KCNAB1: variants seen among roughly 807,000 people sequenced by gnomAD.
KCNAB1 encodes the protein potassium voltage-gated channel subfamily A regulatory beta subunit 1.
In KCNAB1, 35 loss-of-function variants were observed where a neutral mutation model predicts 64.6. The observed-to-expected ratio is 0.54, with a 90% CI of 0.41 to 0.72. The LOEUF is 0.72. Among genes scored for constraint, KCNAB1 ranks in the 30% least tolerant of loss-of-function variants. The pLI, the probability that KCNAB1 is intolerant of heterozygous loss-of-function variation, is 0.00. For missense variants in KCNAB1, 401 were observed against 512.9 expected, an observed-to-expected ratio of 0.78 and a Z score of 2.11; for synonymous variants, 177 against 183.8, an observed-to-expected ratio of 0.96 and a Z score of 0.30.
At chr3:156,378,920 C>T (rs1367211181) in intron 1 of KCNAB1, among the ~76,000 whole-genome samples, 1 of 152,196 alleles carries the variant, frequency 6.6e-6, no homozygotes, top group Admixed American at 6.5e-5. Flanking sequence ...CCCCCAGTGC[C>T]TCAAGCTGGC....
intron 1 of KCNAB1, among the ~76,000 whole-genome samples, chr3:156,207,957 T>G (rs1714766935): frequency 6.6e-6 from 1 of 152,240 alleles, no homozygotes; most frequent in Admixed American, 6.5e-5. Flanking sequence ...CAGCTTCTTT[T>G]GGCCTTGGGT....
At chr3:156,494,725 A>G (rs969185655) in intron 8 of KCNAB1, among the ~76,000 whole-genome samples, 9 of 152,180 alleles carry the variant, frequency 5.9e-5, no homozygotes, top group Non-Finnish European at 1.0e-4. Context: ...AAGTGACCTC[A>G]GGAAGCAGAA....
intron 8 of KCNAB1, among the ~76,000 whole-genome samples, chr3:156,511,253 G>A (rs561686179): frequency 3.9e-5 from 6 of 151,926 alleles, no homozygotes; most frequent in East Asian, 1.9e-4. Flanking sequence ...ACAGGCACCC[G>A]CCACCACGCC....
Position 156,196,409 on chromosome 3 carries a change from G to A in KCNAB1, c.275+75523G>A, listed in dbSNP as rs77826174. Among the ~76,000 whole-genome samples the A allele has an allele frequency of 4.2e-4, 64 of 152,092 alleles. No individual in the cohort carries two copies. In the South Asian group the frequency reaches 0.012, roughly 28 times the overall value. Reference sequence around the variant, plus strand: ...ATAAATTACTTTGGGCAGTTTGGCCGTTTTCATGATATTGATTCTTCCTAT... The same window carrying A: ...ATAAATTACTTTGGGCAGTTTGGCCATTTTCATGATATTGATTCTTCCTAT... On this transcript the variant is annotated intron_variant, in intron 1 of 13. Transcript: ENST00000490337.
At chr3:156,207,156 T>A (rs1714717045) in intron 1 of KCNAB1, among the ~76,000 whole-genome samples, 1 of 152,178 alleles carries the variant, frequency 6.6e-6, no homozygotes, top group Admixed American at 6.5e-5. Context: ...ATGGCCTACA[T>A]CAATAAGAGG....
At chr3:156,366,478 T>C (rs979816539) in intron 1 of KCNAB1, among the ~76,000 whole-genome samples, 2 of 152,108 alleles carry the variant, frequency 1.3e-5, no homozygotes, top group Non-Finnish European at 2.9e-5. Flanking sequence ...AATGAGAAAA[T>C]AGAGGACAGA....
chr3:156,401,136 T>C (rs913174656), intron 1 of KCNAB1, among the ~76,000 whole-genome samples: 1 of 152,242 alleles, frequency 6.6e-6, no homozygotes, highest in African/African-American at 2.4e-5. Flanking sequence ...TCAGACCTAG[T>C]CACCACTTCT....
At chr3:156,390,749 AT>A (rs367822446) in intron 1 of KCNAB1, among the ~76,000 whole-genome samples, 1 of 151,124 alleles carries the variant, frequency 6.6e-6, no homozygotes. Context: ...TGCCCGGCTA[AT>A]TTTTTTTTGT....
At chr3:156,532,374 A>G (rs1576985437) in intron 13 of KCNAB1, among the ~76,000 whole-genome samples, 1 of 151,960 alleles carries the variant, frequency 6.6e-6, no homozygotes, top group African/African-American at 2.4e-5. Context: ...CCTACTCTCA[A>G]CCCTGCTAAA....
At chr3:156,213,192 T>C (rs1039990228) in intron 1 of KCNAB1, among the ~76,000 whole-genome samples, 1 of 149,114 alleles carries the variant, frequency 6.7e-6, no homozygotes, top group Non-Finnish European at 1.5e-5. Context: ...TAAAACAATG[T>C]GGAGTCCTAT....
At chr3:156,361,961 ATTAT>A (rs1000383435) in intron 1 of KCNAB1, among the ~76,000 whole-genome samples, 1 of 152,220 alleles carries the variant, frequency 6.6e-6, no homozygotes, top group African/African-American at 2.4e-5. Context: ...CAATGAATGA[ATTAT>A]TTGTCTATAT....
chr3:156,531,907 T>C (rs1718724993), intron 13 of KCNAB1, among the ~76,000 whole-genome samples: 1 of 152,178 alleles, frequency 6.6e-6, no homozygotes, highest in African/African-American at 2.4e-5. Flanking sequence ...CCTGAACATC[T>C]TGTATTCCCC....
intron 1 of KCNAB1, among the ~76,000 whole-genome samples, chr3:156,376,394 A>G (rs1423828335): frequency 1.3e-5 from 2 of 152,200 alleles, no homozygotes; most frequent in Non-Finnish European, 2.9e-5. Flanking sequence ...CAGACAGAAG[A>G]TGCAAGGTCA....
At chr3:156,182,634 C>A (rs553942176) in intron 1 of KCNAB1, among the ~76,000 whole-genome samples, 2 of 151,794 alleles carry the variant, frequency 1.3e-5, no homozygotes, top group East Asian at 1.9e-4. Flanking sequence ...TTTTTTCCCC[C>A]CCCCGGGTCT....
At chr3:156,208,831 T>C (rs553861507) in intron 1 of KCNAB1, among the ~76,000 whole-genome samples, 1 of 152,358 alleles carries the variant, frequency 6.6e-6, no homozygotes, top group East Asian at 1.9e-4. Flanking sequence ...AAAGGTTCTA[T>C]AGTGAAACCT....
chr3:156,476,566 C>CACACACACACATAT (rs1559905006), intron 8 of KCNAB1, among the ~76,000 whole-genome samples: 4 of 79,076 alleles, frequency 5.1e-5, no homozygotes, highest in Non-Finnish European at 1.3e-4. Flanking sequence ...CACACATATA[C>CACACACACACATAT]ACACACACAC....
intron 1 of KCNAB1, among the ~76,000 whole-genome samples, chr3:156,319,620 C>G (rs1407431984): frequency 6.6e-6 from 1 of 152,186 alleles, no homozygotes; most frequent in Non-Finnish European, 1.5e-5. Context: ...ACTTCACCTG[C>G]AGAGCTCAAG....
In KCNAB1 at chr3:156,208,951, A is replaced by G. The variant is rs115294172; in HGVS notation, c.275+88065A>G. ...CAAGAATACATAATAATATAAATGC[A>G]TAACGTAAGAAATGCAAAGACAGGT... On this transcript the variant is annotated intron_variant, in intron 1 of 13. Coordinates refer to ENST00000490337, the MANE Select transcript of KCNAB1 (RefSeq NM_172160.3). Among the ~76,000 whole-genome samples, 1,373 of 152,366 alleles carry G rather than the reference A, an allele frequency of 9.0e-3. 33 individuals are homozygous for G. The highest frequency in any genetic ancestry group is 0.031 in the African/African-American group (1,272 of 41,578).
chr3:156,402,936 T>G (rs1714004649), intron 1 of KCNAB1, among the ~76,000 whole-genome samples: 3 of 152,214 alleles, frequency 2.0e-5, no homozygotes, highest in Admixed American at 2.0e-4. Context: ...TTGTCCATTT[T>G]ATGATTTGAA....
Sources: allele counts gnomAD v4.1 joint callset (sites outside exome capture counted in the v4.1 genomes callset), GRCh38; gene constraint gnomAD v4.1.1; transcripts MANE v1.5; gene names NCBI Gene and HGNC (gene_info 2026-07-23, HGNC 2026-07-21).